DNM3: variants seen among roughly 807,000 people sequenced by gnomAD.
DNM3 encodes dynamin 3.
DNM3 carries 47 observed loss-of-function variants against 101.6 expected under a neutral mutation model. The observed-to-expected ratio is 0.46, with a 90% CI of 0.37 to 0.59. The LOEUF (loss-of-function observed/expected upper bound fraction) is 0.59. Among genes scored for constraint, DNM3 ranks in the 20% least tolerant of loss-of-function variants. DNM3 has a pLI of 0.00. For synonymous variants in DNM3, 385 were observed against 387.9 expected (o/e 0.99, Z 0.09); for missense variants, 849 against 1,085.7 (o/e 0.78, Z 3.06).
intron 17 of DNM3, among the ~76,000 whole-genome samples, chr1:172,325,527 G>T (rs980395283): frequency 3.9e-5 from 4 of 101,764 alleles, no homozygotes; most frequent in African/African-American, 1.5e-4. Flanking sequence ...ATAGACTCTG[G>T]CATAAAAAAA....
chr1:171,848,827 A>G (rs150310523), intron 1 of DNM3, among the ~76,000 whole-genome samples: 2 of 152,334 alleles, frequency 1.3e-5, no homozygotes, highest in Admixed American at 6.5e-5. Context: ...GATAACAAAA[A>G]CAGAGCAGTT....
At chr1:172,232,520 G>A (rs190308984) in intron 14 of DNM3, among the ~76,000 whole-genome samples, 215 of 152,142 alleles carry the variant, frequency 1.4e-3, no homozygotes, top group Admixed American at 4.1e-3. Context: ...ACTGAACTCC[G>A]CTCTGCACCA....
At chr1:172,028,465 T>C (rs549584331) in intron 4 of DNM3, among the ~76,000 whole-genome samples, 3 of 152,138 alleles carry the variant, frequency 2.0e-5, no homozygotes, top group East Asian at 1.9e-4. Flanking sequence ...GGAGAAAGCA[T>C]GAAAGATCTA....
At chr1:172,074,587 A>G (rs1027665002) in intron 11 of DNM3, among the ~76,000 whole-genome samples, 1 of 151,810 alleles carries the variant, frequency 6.6e-6, no homozygotes, top group Non-Finnish European at 1.5e-5. Flanking sequence ...TGTCCTTGTG[A>G]TATTTTGCTG....
At chr1:172,010,282 T>C (rs1207351292) in intron 4 of DNM3, among the ~76,000 whole-genome samples, 2 of 151,920 alleles carry the variant, frequency 1.3e-5, no homozygotes, top group Admixed American at 6.6e-5. Context: ...CATACACTTA[T>C]TATTTGCAAA....
At chr1:172,018,313 T>G (rs1448829198) in intron 4 of DNM3, among the ~76,000 whole-genome samples, 1 of 152,164 alleles carries the variant, frequency 6.6e-6, no homozygotes, top group East Asian at 1.9e-4. Context: ...ATTTGTGCCT[T>G]TAGTTGAGCA....
chr1:171,928,051 G>A (rs1401108652), intron 2 of DNM3, among the ~76,000 whole-genome samples: 1 of 152,184 alleles, frequency 6.6e-6, no homozygotes, highest in Non-Finnish European at 1.5e-5. Context: ...AAGGCTTTGT[G>A]CAGGGTTGTT....
At chr1:172,279,948 T>C (rs1158903032) in intron 15 of DNM3, among the ~76,000 whole-genome samples, 1 of 152,146 alleles carries the variant, frequency 6.6e-6, no homozygotes, top group Non-Finnish European at 1.5e-5. Flanking sequence ...CCGTGTATTT[T>C]TCCATCAAGC....
chr1:172,230,388 CCCTA>C (rs1292435082), intron 14 of DNM3, among the ~76,000 whole-genome samples: 1 of 152,096 alleles, frequency 6.6e-6, no homozygotes, highest in Non-Finnish European at 1.5e-5. Flanking sequence ...TATGGACTCT[CCCTA>C]CCTCCTTACA....
chr1:172,209,412 C>T (rs1028007883), intron 14 of DNM3, among the ~76,000 whole-genome samples: 2 of 151,756 alleles, frequency 1.3e-5, no homozygotes, highest in African/African-American at 4.8e-5. Context: ...ATACAGGCAC[C>T]AAGGGTGAAT....
chr1:172,057,714 C>T (rs2050762565), intron 10 of DNM3, among the ~76,000 whole-genome samples: 1 of 151,492 alleles, frequency 6.6e-6, no homozygotes, highest in South Asian at 2.1e-4. Flanking sequence ...TGGAAAGGAA[C>T]AACCGGTACC....
At chr1:172,229,748 C>T (rs545360022) in intron 14 of DNM3, among the ~76,000 whole-genome samples, 39 of 151,662 alleles carry the variant, frequency 2.6e-4, no homozygotes, top group East Asian at 1.2e-3. Flanking sequence ...CATACACGCA[C>T]GCCACACACA....
At chr1:172,229,266 A>G (rs2061246756) in intron 14 of DNM3, among the ~76,000 whole-genome samples, 2 of 152,176 alleles carry the variant, frequency 1.3e-5, no homozygotes, top group South Asian at 4.1e-4. Flanking sequence ...TATGTTCAGA[A>G]TTCTAGAACT....
intron 12 of DNM3, 79 bp from the exon 13 acceptor site, chr1:172,092,745 A>G (rs573945995): frequency 3.0e-4 from 421 of 1,408,222 alleles, no homozygotes; most frequent in South Asian, 4.1e-4. Context: ...TAAAGCCTGT[A>G]TAAATTTTAG....
At chr1:171,920,998 C>T (rs542420224) in intron 1 of DNM3, among the ~76,000 whole-genome samples, 1 of 152,316 alleles carries the variant, frequency 6.6e-6, no homozygotes, top group South Asian at 2.1e-4. Flanking sequence ...GACATTGGCT[C>T]ACTGCAACTC....
intron 15 of DNM3, among the ~76,000 whole-genome samples, chr1:172,255,339 G>A (rs1992549): frequency 0.36 from 55,264 of 151,978 alleles, 12,408 homozygotes; most frequent in Non-Finnish European, 0.47. Context: ...CTTCATCAGA[G>A]CAGCAGAGAC....
At chr1:172,132,211 T>C (rs1392803034) in intron 14 of DNM3, among the ~76,000 whole-genome samples, 3 of 152,186 alleles carry the variant, frequency 2.0e-5, no homozygotes, top group Non-Finnish European at 1.5e-5. Context: ...CTGACATCTT[T>C]TGAAAGCATT....
intron 1 of DNM3, among the ~76,000 whole-genome samples, chr1:171,853,321 G>C (rs1172680523): frequency 6.6e-6 from 1 of 151,110 alleles, no homozygotes; most frequent in African/African-American, 2.4e-5. Flanking sequence ...GCACCACCAT[G>C]CTCAGCTAAT....
intron 14 of DNM3, among the ~76,000 whole-genome samples, chr1:172,211,222 C>G (rs2060501422): frequency 6.6e-6 from 1 of 152,072 alleles, no homozygotes; most frequent in South Asian, 2.1e-4. Flanking sequence ...AAAAAGAAGA[C>G]AGAGAGCGAG....
Sources: gnomAD v4.1 joint callset for allele counts (sites outside exome capture counted in the v4.1 genomes callset) on GRCh38, gnomAD v4.1.1 for gene constraint, MANE v1.5 for transcripts, NCBI Gene and HGNC (gene_info 2026-07-23, HGNC 2026-07-21) for gene names.